Variants in LIN28B observed in about 807,000 individuals in gnomAD.
The protein encoded by LIN28B is protein lin-28 homolog B.
A neutral mutation model predicts 21.9 loss-of-function variants in LIN28B; 5 were observed. The observed-to-expected ratio is 0.23, with a 90% CI of 0.12 to 0.48. LIN28B has a LOEUF of 0.48. Ranked by LOEUF, LIN28B falls within the 20% of genes least tolerant of loss-of-function variation. The pLI, the probability that LIN28B is intolerant of heterozygous loss-of-function variation, is 0.98. For synonymous variants in LIN28B, 109 were observed against 111.3 expected, an observed-to-expected ratio of 0.98 and a Z score of 0.13; for missense variants, 245 against 310.5, an observed-to-expected ratio of 0.79 and a Z score of 1.58.
At chr6:105,048,945 T>G (rs565907598) in intron 3 of LIN28B, among the ~76,000 whole-genome samples, 5 of 152,316 alleles carry the variant, frequency 3.3e-5, no homozygotes, top group African/African-American at 1.2e-4. Context: ...CTATCAGTTT[T>G]GTTGGTCTTT....
intron 2 of LIN28B, among the ~76,000 whole-genome samples, chr6:104,999,664 T>C (rs1351228336): frequency 6.6e-6 from 1 of 152,158 alleles, no homozygotes; most frequent in Admixed American, 6.6e-5. Flanking sequence ...TTACCCTGTC[T>C]TATGGTGCTG....
intron 3 of LIN28B, among the ~76,000 whole-genome samples, chr6:105,035,107 A>T (rs1771498774): frequency 6.6e-6 from 1 of 151,884 alleles, no homozygotes; most frequent in African/African-American, 2.4e-5. Flanking sequence ...ATATTTTTGA[A>T]ATCTCCATAG....
intron 3 of LIN28B, among the ~76,000 whole-genome samples, chr6:105,073,863 C>T (rs975449116): frequency 1.3e-4 from 20 of 152,020 alleles, no homozygotes; most frequent in African/African-American, 3.1e-4. Flanking sequence ...AGTGGTTGTC[C>T]GCTGTGCTCA....
intron 3 of LIN28B, among the ~76,000 whole-genome samples, chr6:105,046,744 G>T (rs1013050268): frequency 6.6e-6 from 1 of 152,168 alleles, no homozygotes; most frequent in Non-Finnish European, 1.5e-5. Flanking sequence ...TTGTGGTTTT[G>T]ATTTGCATTT....
At chr6:105,046,630 C>G (rs1440180754) in intron 3 of LIN28B, among the ~76,000 whole-genome samples, 2 of 152,120 alleles carry the variant, frequency 1.3e-5, no homozygotes, top group Non-Finnish European at 2.9e-5. Flanking sequence ...TACAGTCCCA[C>G]CAACAGTGTA....
intron 2 of LIN28B, among the ~76,000 whole-genome samples, chr6:104,960,773 A>G (rs1393318614): frequency 6.6e-6 from 1 of 152,222 alleles, no homozygotes; most frequent in Non-Finnish European, 1.5e-5. Context: ...ATATCAAAAC[A>G]TATTCAGTTG....
At chr6:104,988,690 G>A (rs1425395872) in intron 2 of LIN28B, among the ~76,000 whole-genome samples, 1 of 149,854 alleles carries the variant, frequency 6.7e-6, no homozygotes, top group Non-Finnish European at 1.5e-5. Flanking sequence ...TCCTGCCTCC[G>A]CCTCCGCTTT....
chr6:105,038,435 G>A (rs1329932926), intron 3 of LIN28B, among the ~76,000 whole-genome samples: 1 of 152,114 alleles, frequency 6.6e-6, no homozygotes, highest in African/African-American at 2.4e-5. Flanking sequence ...TGGTCAGCAG[G>A]GCCAACAGTT....
chr6:105,054,667 G>A (rs1771985675), intron 3 of LIN28B, among the ~76,000 whole-genome samples: 2 of 152,200 alleles, frequency 1.3e-5, no homozygotes, highest in Admixed American at 1.3e-4. Context: ...AACCTGGAAA[G>A]CAATCAACTT....
chr6:104,940,485 CG>C (rs1778068075), intron 2 of LIN28B: 1 of 153,270 alleles, frequency 6.5e-6, no homozygotes, highest in Admixed American at 6.6e-5. Flanking sequence ...GGACGCGCTT[CG>C]GGGGTTCGGG....
At chr6:104,943,566 C>T (rs1778122216) in intron 2 of LIN28B, among the ~76,000 whole-genome samples, 1 of 152,080 alleles carries the variant, frequency 6.6e-6, no homozygotes, top group Non-Finnish European at 1.5e-5. Flanking sequence ...AGGGATGAAT[C>T]AATTTAGAAG....
At chr6:105,063,650 A>AAG in intron 3 of LIN28B, among the ~76,000 whole-genome samples, 1 of 145,948 alleles carries the variant, frequency 6.9e-6, no homozygotes, top group Non-Finnish European at 1.5e-5. Flanking sequence ...GGGGGGGGGA[A>AAG]AAAAAGGTAA....
chr6:105,005,204 T>C (rs568683277), intron 2 of LIN28B, among the ~76,000 whole-genome samples: 6 of 152,190 alleles, frequency 3.9e-5, no homozygotes, highest in Non-Finnish European at 7.4e-5. Context: ...CTGATTCTTA[T>C]TCCTTTTTGT....
At chr6:104,944,495 A>G (rs575192645) in intron 2 of LIN28B, among the ~76,000 whole-genome samples, 1 of 152,258 alleles carries the variant, frequency 6.6e-6, no homozygotes, top group African/African-American at 2.4e-5. Context: ...GAAATCATTC[A>G]TGAAATAAAT....
chr6:104,939,931 A>G (rs1163237015), intron 2 of LIN28B, among the ~76,000 whole-genome samples: 2 of 152,232 alleles, frequency 1.3e-5, no homozygotes, highest in Non-Finnish European at 2.9e-5. Context: ...GTAGAAAATT[A>G]TAGGAGAGAA....
At chr6:105,019,410 A>G (rs1771091911) in intron 2 of LIN28B, among the ~76,000 whole-genome samples, 1 of 152,174 alleles carries the variant, frequency 6.6e-6, no homozygotes. Flanking sequence ...ACAGGATCCA[A>G]TATTTTACCG....
intron 3 of LIN28B, among the ~76,000 whole-genome samples, chr6:105,070,027 G>C (rs1202498908): frequency 6.6e-6 from 1 of 151,914 alleles, no homozygotes; most frequent in Non-Finnish European, 1.5e-5. Context: ...TGAGGCATGA[G>C]TGAGTAACCT....
In LIN28B at chr6:105,078,809, T is replaced by C; in HGVS notation, c.*26T>C. On this transcript the variant is annotated 3_prime_UTR_variant, in exon 4 of 4. Coordinates refer to ENST00000345080, the MANE Select transcript of LIN28B (RefSeq NM_001004317.4). ...CAGGTCTTCTTCATATGTTCTTTCC[T>C]TTACCCGGTTGCAAAGTCTACCTCA... 1 of 1,591,230 alleles carries C rather than the reference T, an allele frequency of 6.3e-7. No homozygotes were observed. Among genetic ancestry groups the C allele is most frequent in the Non-Finnish European group, 8.6e-7 (1 of 1,166,530 alleles).
At chr6:105,069,815 T>G (rs1772296353) in intron 3 of LIN28B, among the ~76,000 whole-genome samples, 1 of 152,224 alleles carries the variant, frequency 6.6e-6, no homozygotes, top group Non-Finnish European at 1.5e-5. Context: ...CAGTAGGTTT[T>G]TGCAGTGTGT....
Sources: allele counts gnomAD v4.1 joint callset (sites outside exome capture counted in the v4.1 genomes callset), GRCh38; gene constraint gnomAD v4.1.1; transcripts MANE v1.5; gene names NCBI Gene and HGNC (gene_info 2026-07-23, HGNC 2026-07-21).